FAF1: variants seen among roughly 807,000 people sequenced by gnomAD.
FAF1 encodes Fas associated factor 1.
FAF1 carries 25 observed loss-of-function variants against 92.5 expected under a neutral mutation model. The observed-to-expected ratio is 0.27, with a 90% CI of 0.20 to 0.38. FAF1 has a LOEUF of 0.38. Ranked by LOEUF, FAF1 falls within the 10% of genes least tolerant of loss-of-function variation. The pLI is 1.00. For synonymous variants in FAF1, 234 were observed against 273.2 expected, an observed-to-expected ratio of 0.86 and a Z score of 1.42; for missense variants, 636 against 793.3, an observed-to-expected ratio of 0.80 and a Z score of 2.38.
intron 6 of FAF1, among the ~76,000 whole-genome samples, chr1:50,723,410 A>T (rs1005753479): frequency 5.3e-5 from 8 of 152,092 alleles, no homozygotes; most frequent in South Asian, 2.1e-4. Flanking sequence ...AAAAAAAAAA[A>T]AAAATAAGTA....
intron 1 of FAF1, among the ~76,000 whole-genome samples, chr1:50,861,315 T>C (rs977243473): frequency 2.0e-5 from 3 of 151,852 alleles, no homozygotes; most frequent in South Asian, 4.1e-4. Context: ...AAATCCACTA[T>C]GATGGTATTT....
intron 8 of FAF1, among the ~76,000 whole-genome samples, chr1:50,608,530 C>G (rs1046534447): frequency 2.6e-5 from 4 of 152,116 alleles, no homozygotes; most frequent in Admixed American, 6.5e-5. Flanking sequence ...AAATGGTAAT[C>G]CTAAGAGAGG....
At chr1:50,948,106 C>G (rs1039394815) in intron 1 of FAF1, among the ~76,000 whole-genome samples, 11 of 152,064 alleles carry the variant, frequency 7.2e-5, no homozygotes, top group African/African-American at 2.4e-4. Flanking sequence ...TAACTGGGTA[C>G]AAGGTATGAA....
intron 13 of FAF1, among the ~76,000 whole-genome samples, chr1:50,558,934 T>C (rs528091729): frequency 1.3e-5 from 2 of 152,296 alleles, no homozygotes; most frequent in South Asian, 4.1e-4. Flanking sequence ...TTTTAAATTA[T>C]CTCAAAGAAC....
intron 1 of FAF1, among the ~76,000 whole-genome samples, chr1:50,876,204 A>C (rs1316732454): frequency 6.6e-6 from 1 of 152,222 alleles, no homozygotes; most frequent in Non-Finnish European, 1.5e-5. Flanking sequence ...ACGTCAGGCA[A>C]ATAAAAGGTG....
chr1:50,498,207 A>G (rs1646925341), intron 15 of FAF1, among the ~76,000 whole-genome samples: 1 of 152,194 alleles, frequency 6.6e-6, no homozygotes, highest in Non-Finnish European at 1.5e-5. Flanking sequence ...GGATATCCAC[A>G]TGCAAAAGAA....
chr1:50,490,190 T>C (rs1170734971), intron 17 of FAF1, among the ~76,000 whole-genome samples: 1 of 152,054 alleles, frequency 6.6e-6, no homozygotes, highest in Non-Finnish European at 1.5e-5. Flanking sequence ...TGAAACCCTG[T>C]CTCTACTAAA....
intron 6 of FAF1, among the ~76,000 whole-genome samples, chr1:50,734,328 G>T (rs991350745): frequency 1.3e-5 from 2 of 152,136 alleles, no homozygotes; most frequent in African/African-American, 4.8e-5. Flanking sequence ...TACCAAAAAT[G>T]ATTTTAACAA....
chr1:50,462,087 A>C (rs1187145909), intron 18 of FAF1: 1 of 148,542 alleles, frequency 6.7e-6, no homozygotes, highest in African/African-American at 2.5e-5. Flanking sequence ...ATATATACAC[A>C]CACACATATA....
At chr1:50,778,586 T>C (rs1661045606) in intron 4 of FAF1, among the ~76,000 whole-genome samples, 1 of 152,154 alleles carries the variant, frequency 6.6e-6, no homozygotes, top group Non-Finnish European at 1.5e-5. Flanking sequence ...AAAGAAAATG[T>C]TATTAAGAAA....
intron 8 of FAF1, among the ~76,000 whole-genome samples, chr1:50,615,935 C>T (rs537523149): frequency 6.6e-6 from 1 of 152,178 alleles, no homozygotes; most frequent in African/African-American, 2.4e-5. Context: ...TGCCAAGGCC[C>T]TTATTGAGAA....
At chr1:50,783,541 C>T (rs1239849545) in intron 4 of FAF1, among the ~76,000 whole-genome samples, 1 of 152,062 alleles carries the variant, frequency 6.6e-6, no homozygotes, top group African/African-American at 2.4e-5. Flanking sequence ...CACACCATGG[C>T]AAAGTGAGAT....
Position 50,907,172 on chromosome 1 carries a change from C to T in FAF1, c.46-49175G>A, listed in dbSNP as rs541809158. On this transcript the variant is annotated intron_variant, in intron 1 of 18. Transcript: ENST00000396153. The stretch of plus-strand genomic sequence containing the variant: ...TTTGTCTTTGGTTCTGTTTACACAA[C>T]GGATTACGTTTATTGATTTGCGTAA... Among the ~76,000 whole-genome samples, 5 of 152,174 alleles carry T rather than the reference C, an allele frequency of 3.3e-5. No individual in the cohort carries two copies. The East Asian group carries it at 5.8e-4, about 18-fold the overall frequency.
At chr1:50,530,227 C>CT (rs919201523) in intron 15 of FAF1, among the ~76,000 whole-genome samples, 5 of 144,788 alleles carry the variant, frequency 3.5e-5, no homozygotes, top group Non-Finnish European at 4.5e-5. Context: ...GTTTTGCTAG[C>CT]TTTAAGAAGT....
chr1:50,492,360 GCT>G (rs1367899426), intron 15 of FAF1, among the ~76,000 whole-genome samples: 1 of 152,034 alleles, frequency 6.6e-6, no homozygotes, highest in Non-Finnish European at 1.5e-5. Context: ...CACCACTAAA[GCT>G]CTGGTTACCA....
chr1:50,943,433 T>C (rs1481580056), intron 1 of FAF1, among the ~76,000 whole-genome samples: 3 of 152,178 alleles, frequency 2.0e-5, no homozygotes, highest in Non-Finnish European at 2.9e-5. Flanking sequence ...TAAGATATAT[T>C]AGTTAATTGT....
rs191182053 is a variant in FAF1, at chr1:50,752,062, C to T, written c.368-7287G>A. Among the ~76,000 whole-genome samples, 500 of 152,238 alleles carry T rather than the reference C, an allele frequency of 3.3e-3. 5 individuals carry two copies. Among genetic ancestry groups the T allele is most frequent in the Admixed American group, 8.4e-3 (129 of 15,298 alleles). On this transcript the variant is annotated intron_variant, in intron 4 of 18. Coordinates refer to ENST00000396153, the MANE Select transcript of FAF1 (RefSeq NM_007051.3). ...TTGGCTCACTGCAACCTCCGCCTCC[C>T]AGGTTCAAGCGATTCTCCTGCCTCA...
At chr1:50,817,886 A>C (rs948851051) in intron 2 of FAF1, among the ~76,000 whole-genome samples, 4 of 152,204 alleles carry the variant, frequency 2.6e-5, no homozygotes, top group Non-Finnish European at 5.9e-5. Flanking sequence ...TTTATCTTTA[A>C]TTCACAAAAT....
rs576324727 is a variant in FAF1 at position 50,438,187 on chromosome 1, T to A, written c.*3253A>T. ...TGTGCAAAAATGGAATCATCATCTC[T>A]GCCCTGCTTCCCTCATAGCGGGAGA... On this transcript the variant is annotated 3_prime_UTR_variant, in exon 19 of 19. Coordinates refer to ENST00000396153, the MANE Select transcript of FAF1 (RefSeq NM_007051.3). 6.6e-6 allele frequency: 1 copy of A among 152,332 alleles called. No individual in the cohort carries two copies. The highest frequency in any genetic ancestry group is 1.5e-5 in the Non-Finnish European group (1 of 68,064). 9.4% of individuals were successfully genotyped at this position (152,332 alleles called of 1,614,324 possible).
Sources: gnomAD v4.1 joint callset for allele counts (sites outside exome capture counted in the v4.1 genomes callset) on GRCh38, gnomAD v4.1.1 for gene constraint, MANE v1.5 for transcripts, NCBI Gene and HGNC (gene_info 2026-07-23, HGNC 2026-07-21) for gene names.